DCC: variants seen among roughly 807,000 people sequenced by gnomAD.
DCC encodes the protein DCC netrin 1 receptor.
A neutral mutation model predicts 172.5 loss-of-function variants in DCC; 58 were observed. The ratio of observed to expected loss-of-function variants is 0.34; its 90% confidence interval spans 0.27 to 0.42. DCC has a LOEUF of 0.42. DCC is among the 10% of genes least tolerant of loss of function. The pLI is 1.00. For missense variants in DCC, 1,740 were observed against 1,791.0 expected (o/e 0.97, Z 0.51); for synonymous variants, 709 against 644.5 (o/e 1.10, Z -1.52).
chr18:53,004,967 C>G (rs911215260), intron 5 of DCC, among the ~76,000 whole-genome samples: 1 of 152,152 alleles, frequency 6.6e-6, no homozygotes, highest in African/African-American at 2.4e-5. Flanking sequence ...TCTGCCCTAA[C>G]GAATGAATAA....
At chr18:52,681,442 A>G (rs906893386) in intron 1 of DCC, among the ~76,000 whole-genome samples, 39 of 152,238 alleles carry the variant, frequency 2.6e-4, no homozygotes, top group Admixed American at 1.2e-3. Flanking sequence ...AATTTGATTG[A>G]CAAGAGTGAA....
At chr18:53,399,230 C>G (rs1317287884) in intron 18 of DCC, among the ~76,000 whole-genome samples, 1 of 152,106 alleles carries the variant, frequency 6.6e-6, no homozygotes, top group African/African-American at 2.4e-5. Context: ...GTTGGTTTAT[C>G]CCTTCAAGGT....
chr18:53,014,676 A>G (rs1003000702), intron 5 of DCC, among the ~76,000 whole-genome samples: 14 of 152,144 alleles, frequency 9.2e-5, no homozygotes, highest in Non-Finnish European at 1.5e-4. Context: ...ATTTAAAGAG[A>G]AGATACAGGA....
At chr18:52,545,616 A>G (rs990572172) in intron 1 of DCC, among the ~76,000 whole-genome samples, 3 of 152,152 alleles carry the variant, frequency 2.0e-5, no homozygotes, top group Non-Finnish European at 2.9e-5. Flanking sequence ...AATAGTATAA[A>G]TTTACATATA....
At chr18:52,367,014 A>G (rs557685706) in intron 1 of DCC, among the ~76,000 whole-genome samples, 1 of 152,324 alleles carries the variant, frequency 6.6e-6, no homozygotes, top group South Asian at 2.1e-4. Flanking sequence ...TGGGAGGCTC[A>G]GGCATGGCGG....
At chr18:52,741,515 T>C (rs6508154) in intron 1 of DCC, among the ~76,000 whole-genome samples, 3 of 151,936 alleles carry the variant, frequency 2.0e-5, no homozygotes, top group Non-Finnish European at 4.4e-5. Context: ...CCCCTCTCAG[T>C]TGTGACAACC....
intron 7 of DCC, among the ~76,000 whole-genome samples, chr18:53,124,811 C>T (rs2043531526): frequency 6.6e-6 from 1 of 151,846 alleles, no homozygotes; most frequent in Admixed American, 6.6e-5. Flanking sequence ...ACAAAAAATA[C>T]AAAAATTAGC....
chr18:53,278,865 C>T (rs777775670), intron 12 of DCC, among the ~76,000 whole-genome samples: 2 of 152,088 alleles, frequency 1.3e-5, no homozygotes. Context: ...ATGGCATGCA[C>T]CAAAGAACTG....
At chr18:53,301,000 T>TTTCTTTCTTTCTTTCCTTTC (rs1413588962) in intron 12 of DCC, among the ~76,000 whole-genome samples, 2 of 102,988 alleles carry the variant, frequency 1.9e-5, no homozygotes, top group African/African-American at 3.6e-5. Flanking sequence ...TTTTTTTTTC[T>TTTCTTTCTTTCTTTCCTTTC]TTTCTTTCTT....
At chr18:52,489,288 A>G (rs1181376855) in intron 1 of DCC, among the ~76,000 whole-genome samples, 1 of 152,102 alleles carries the variant, frequency 6.6e-6, no homozygotes, top group Non-Finnish European at 1.5e-5. Context: ...TTCTGGCTAC[A>G]TAGTTGTCTC....
intron 1 of DCC, among the ~76,000 whole-genome samples, chr18:52,427,073 A>G (rs1220210542): frequency 6.6e-6 from 1 of 152,132 alleles, no homozygotes; most frequent in African/African-American, 2.4e-5. Flanking sequence ...ATGGTGAAGT[A>G]AGTACTGTAA....
chr18:52,906,177 A>C lies in DCC; in HGVS notation c.546A>C (p.Pro182=). 6.2e-7 allele frequency: 1 copy of C among 1,614,120 alleles called. No individual in the cohort carries two copies. The highest frequency in any genetic ancestry group is 8.5e-7 in the Non-Finnish European group (1 of 1,180,034). The change falls in exon 3 of 29, where the codon CCA becomes CCC. Residue 182 remains proline (P), a synonymous_variant. Coordinates refer to ENST00000442544, the MANE Select transcript of DCC (RefSeq NM_005215.4). The part of the protein sequence containing the change: ...HWQKNQQDLT[P]IPGDSRVVVL... ...AGAAGAACCAACAAGACCTGACTCC[A>C]ATCCCAGGTGACTCCCGAGTGGTGG...
intron 21 of DCC, chr18:53,416,564 G>T: frequency 4.1e-6 from 1 of 246,104 alleles, no homozygotes; most frequent in South Asian, 4.7e-5. Flanking sequence ...TAAATTATGT[G>T]TGATTTTCCT....
intron 12 of DCC, among the ~76,000 whole-genome samples, chr18:53,226,934 G>GTGTATATA (rs34949557): frequency 2.5e-4 from 17 of 68,134 alleles, no homozygotes; most frequent in African/African-American, 9.3e-4. Context: ...GTGTGTGTGT[G>GTGTATATA]TATATATATA....
chr18:52,563,274 T>C (rs544000674), intron 1 of DCC, among the ~76,000 whole-genome samples: 1 of 152,310 alleles, frequency 6.6e-6, no homozygotes, highest in South Asian at 2.1e-4. Flanking sequence ...CAGCCATCAC[T>C]ACTGTCAACT....
chr18:53,069,654 C>T (rs1380033397), intron 7 of DCC, among the ~76,000 whole-genome samples: 5 of 151,756 alleles, frequency 3.3e-5, no homozygotes, highest in Admixed American at 6.6e-5. Context: ...CAGAAACCTT[C>T]CATGAGTGTG....
At chr18:52,347,745 GAT>G (rs1289838461) in intron 1 of DCC, among the ~76,000 whole-genome samples, 1 of 152,104 alleles carries the variant, frequency 6.6e-6, no homozygotes, top group Non-Finnish European at 1.5e-5. Context: ...TGTAGCATCT[GAT>G]ATTAATTTGG....
intron 1 of DCC, among the ~76,000 whole-genome samples, chr18:52,479,896 T>C (rs2029887495): frequency 6.6e-6 from 1 of 151,932 alleles, no homozygotes; most frequent in South Asian, 2.1e-4. Flanking sequence ...ACTTCTGCTC[T>C]CAGTTCCATG....
intron 7 of DCC, among the ~76,000 whole-genome samples, chr18:53,083,383 A>G (rs1265956562): frequency 6.6e-6 from 1 of 152,194 alleles, no homozygotes; most frequent in Non-Finnish European, 1.5e-5. Flanking sequence ...GCAACATGAA[A>G]GAACACTGGC....
Sources: allele counts gnomAD v4.1 joint callset (sites outside exome capture counted in the v4.1 genomes callset), GRCh38; gene constraint gnomAD v4.1.1; transcripts MANE v1.5; gene names NCBI Gene and HGNC (gene_info 2026-07-23, HGNC 2026-07-21).